Variants in ATR observed in about 807,000 individuals in gnomAD.
ATR encodes the protein serine/threonine-protein kinase ATR.
ATR carries 142 observed loss-of-function variants against 305.3 expected under a neutral mutation model. The ratio of observed to expected loss-of-function variants is 0.47; its 90% CI spans 0.41 to 0.53. The LOEUF (loss-of-function observed/expected upper bound fraction) is 0.53, where lower values mean the gene tolerates loss of function less well. Ranked by LOEUF, ATR falls within the 20% of genes least tolerant of loss-of-function variation. The pLI, the probability that ATR is intolerant of heterozygous loss-of-function variation, is 0.00. For missense variants in ATR, 2,135 were observed against 3,133.1 expected, an observed-to-expected ratio of 0.68 and a Z score of 7.60; for synonymous variants, 1,050 against 1,068.1, an observed-to-expected ratio of 0.98 and a Z score of 0.33.
At chr3:142,521,381 A>G (rs73240309) in intron 23 of ATR, among the ~76,000 whole-genome samples, 21,219 of 152,140 alleles carry the variant, frequency 0.14, 1,520 homozygotes, top group Non-Finnish European at 0.16. Context: ...CTGCTAACAC[A>G]ACATCCATTT....
intron 27 of ATR, among the ~76,000 whole-genome samples, chr3:142,510,325 G>A (rs1242305734): frequency 2.6e-5 from 4 of 151,690 alleles, no homozygotes; most frequent in Non-Finnish European, 4.4e-5. Context: ...GTGAAGCCCC[G>A]TCTCTACTAA....
chr3:142,482,994 T>G (rs1011907427), intron 36 of ATR, among the ~76,000 whole-genome samples: 1 of 150,456 alleles, frequency 6.6e-6, no homozygotes, highest in Non-Finnish European at 1.5e-5. Context: ...TCTTTCTTTT[T>G]TTTTTTTCTT....
At chr3:142,499,166 C>A (rs550653752) in intron 31 of ATR, 3 of 385,642 alleles carry the variant, frequency 7.8e-6, no homozygotes, top group South Asian at 6.6e-5. Context: ...CAGGTGTGAG[C>A]CACCATGCCC....
intron 3 of ATR, among the ~76,000 whole-genome samples, chr3:142,565,092 T>C (rs1057405557): frequency 2.0e-5 from 3 of 152,162 alleles, no homozygotes; most frequent in Non-Finnish European, 2.9e-5. Flanking sequence ...ATGCTGATAA[T>C]TGCCTAATTT....
At chr3:142,534,447 T>C (rs769976302) in intron 21 of ATR, among the ~76,000 whole-genome samples, 1 of 152,206 alleles carries the variant, frequency 6.6e-6, no homozygotes, top group Non-Finnish European at 1.5e-5. Context: ...CCTTCCATTA[T>C]AGAATGGTAA....
chr3:142,495,149 G>A (rs1242130713), intron 34 of ATR, among the ~76,000 whole-genome samples: 1 of 152,142 alleles, frequency 6.6e-6, no homozygotes, highest in Non-Finnish European at 1.5e-5. Context: ...CAGATATTGA[G>A]TATTAGGTAA....
At chr3:142,517,713 T>C (rs1172791594) in intron 24 of ATR, among the ~76,000 whole-genome samples, 2 of 152,188 alleles carry the variant, frequency 1.3e-5, no homozygotes, top group Admixed American at 1.3e-4. Context: ...AGATCTACTT[T>C]TAAAAGACCA....
chr3:142,524,030 G>A lies in ATR; in HGVS notation c.4115C>T (p.Ser1372Leu). The change falls in exon 22 of 47, where the codon TCA becomes TTA. Residue 1372 changes from serine (S) to leucine (L), a missense_variant. By Grantham distance (145) the Ser-to-Leu change is moderately radical. Coordinates refer to ENST00000350721, the MANE Select transcript of ATR (RefSeq NM_001184.4). ...GAIDPGRLDF[S>L]TTETQGKDFT... ...ATCTTTTCCTTGAGTTTCAGTTGTT[G>A]AGAAATCTAATCGACCTGGATCTAT... The A allele has an allele frequency of 6.2e-7, 1 of 1,614,020 alleles. No individual in the cohort carries two copies.
intron 16 of ATR, among the ~76,000 whole-genome samples, chr3:142,543,466 CTCCT>C (rs2034137361): frequency 2.0e-5 from 3 of 147,980 alleles, no homozygotes; most frequent in African/African-American, 7.5e-5. Context: ...TCCTCCCTCC[CTCCT>C]TCCCTTCCAT....
Position 142,465,085 on chromosome 3 carries a change from C to T in ATR, c.7041+12G>A. On this transcript the variant is annotated intron_variant, in intron 41 of 46. Coordinates refer to ENST00000350721, the MANE Select transcript of ATR (RefSeq NM_001184.4). The stretch of plus-strand genomic sequence containing the variant: ...AATAAATAAATAAAATAAAAGCAAA[C>T]TATCTCCCAACCTTATTAATCAAGG... The T allele has an allele frequency of 7.0e-7, 1 of 1,421,424 alleles. No individual in the cohort carries two copies. Among genetic ancestry groups the T allele is most frequent in the Non-Finnish European group, 9.2e-7 (1 of 1,083,134 alleles). The allele number at this position is 1,421,424 out of a possible 1,614,324, so 88.1% of individuals were successfully genotyped here. A position where few individuals can be genotyped will look rare whatever the true frequency, so the allele number is the denominator to read the frequency against.
chr3:142,453,077 A>G, intron 46 of ATR, 51 bp downstream of exon 46: 1 of 1,612,016 alleles, frequency 6.2e-7, no homozygotes, highest in Non-Finnish European at 8.5e-7. Flanking sequence ...TATCAAGTTC[A>G]TTTGTAGAGA....
chr3:142,529,882 G>A (rs1046852820), intron 21 of ATR, among the ~76,000 whole-genome samples: 1 of 151,972 alleles, frequency 6.6e-6, no homozygotes, highest in East Asian at 1.9e-4. Flanking sequence ...TAAAGTCTAG[G>A]ATATGTCTCA....
intron 10 of ATR, among the ~76,000 whole-genome samples, chr3:142,555,339 C>G (rs1266236815): frequency 1.3e-5 from 2 of 151,874 alleles, no homozygotes; most frequent in East Asian, 3.9e-4. Flanking sequence ...CTTTCTATTG[C>G]TTTCAATAGA....
chr3:142,491,139 C>A (rs1330628120), intron 35 of ATR, among the ~76,000 whole-genome samples: 1 of 152,078 alleles, frequency 6.6e-6, no homozygotes, highest in Non-Finnish European at 1.5e-5. Context: ...GCAGTCACTT[C>A]CCAGCCCCAA....
At chr3:142,575,409 G>A (rs150804663) in intron 1 of ATR, among the ~76,000 whole-genome samples, 126 of 151,364 alleles carry the variant, frequency 8.3e-4, no homozygotes, top group African/African-American at 2.8e-3. Flanking sequence ...GCTTGAACCC[G>A]GGAGGCAGAG....
In ATR at chr3:142,501,368, TTCC is replaced by T. The variant is rs1286622862; in HGVS notation, c.5289-1653_5289-1651del. Among the ~76,000 whole-genome samples the T allele has an allele frequency of 2.6e-5, 4 of 152,290 alleles. No individual in the cohort carries two copies. The South Asian group carries it at 6.2e-4, about 24-fold the overall frequency. ...GAAACATATCCACAACATATAAGCA[TTCC>T]TTCTTTACTTCTGTAAAACTTCCCT... On this transcript the variant is annotated intron_variant, in intron 30 of 46. Transcript: ENST00000350721.
intron 8 of ATR, among the ~76,000 whole-genome samples, chr3:142,557,087 T>G (rs1240416553): frequency 6.7e-6 from 1 of 148,328 alleles, no homozygotes. Context: ...AATATGGATA[T>G]GAATCACCTA....
intron 45 of ATR, among the ~76,000 whole-genome samples, chr3:142,454,668 C>T (rs1408841070): frequency 6.6e-6 from 1 of 151,948 alleles, no homozygotes; most frequent in Non-Finnish European, 1.5e-5. Flanking sequence ...GTCTTGATCT[C>T]CTGACCTCGT....
At chr3:142,468,883 T>C (rs1286290933) in intron 38 of ATR, among the ~76,000 whole-genome samples, 1 of 152,012 alleles carries the variant, frequency 6.6e-6, no homozygotes, top group Non-Finnish European at 1.5e-5. Flanking sequence ...TCCTAGCTAC[T>C]GGGAAGCTGA....
Sources: gnomAD v4.1 joint callset for allele counts (sites outside exome capture counted in the v4.1 genomes callset) on GRCh38, gnomAD v4.1.1 for gene constraint, MANE v1.5 for transcripts, NCBI Gene and HGNC (gene_info 2026-07-23, HGNC 2026-07-21) for gene names.